The following RNH1 variants were observed in gnomAD, a reference collection of about 807,000 sequenced individuals.
RNH1 encodes ribonuclease/angiogenin inhibitor 1, also known as ribonuclease inhibitor.
A neutral mutation model predicts 46.1 loss-of-function variants in RNH1; 38 were observed. That is an observed-to-expected ratio of 0.82 (90% CI 0.64 to 1.08). The LOEUF is 1.08. Among genes scored for constraint, RNH1 ranks in the 50% least tolerant of loss-of-function variants. RNH1 has a pLI of 0.00. For missense variants in RNH1, 577 were observed against 590.7 expected, an observed-to-expected ratio of 0.98 and a Z score of 0.24; for synonymous variants, 319 against 279.1, an observed-to-expected ratio of 1.14 and a Z score of -1.43.
intron 8 of RNH1, 39 bp from the exon 9 acceptor site, chr11:498,180 A>G (rs1849354599): frequency 6.3e-7 from 1 of 1,580,744 alleles, no homozygotes; most frequent in Non-Finnish European, 8.6e-7. Context: ...GCAGGGGCCC[A>G]GGCTGGCCCA....
At chr11:495,169 C>T in intron 9 of RNH1, 116 bp from the exon 10 acceptor site, 2 of 1,077,410 alleles carry the variant, frequency 1.9e-6, no homozygotes, top group Non-Finnish European at 2.7e-6. Flanking sequence ...AACTCAGGAC[C>T]CTCAGGTGGG....
intron 9 of RNH1, among the ~76,000 whole-genome samples, chr11:496,332 A>G (rs1181599713): frequency 1.3e-5 from 2 of 152,166 alleles, no homozygotes; most frequent in Non-Finnish European, 2.9e-5. Context: ...TCAATAGTTC[A>G]AGACCAGCCT....
At chr11:495,146 A>G in intron 9 of RNH1, 93 bp from the exon 10 acceptor site, 1 of 1,328,586 alleles carries the variant, frequency 7.5e-7, no homozygotes, top group Admixed American at 2.2e-5. Context: ...CGCGACGGAC[A>G]CCTGTGCTCG....
chr11:498,933 C>T lies in RNH1; in HGVS notation c.615G>A (p.Lys205=). The T allele has an allele frequency of 1.9e-6, 3 of 1,612,326 alleles. No individual in the cohort carries two copies. The highest frequency in any genetic ancestry group is 2.5e-6 in the Non-Finnish European group (3 of 1,179,634). ...KDSPCQLEAL[K]LESCGVTSDN... is the part of the protein sequence containing the mutation. ...CTGATGTCACACCGCAGCTCTCCAG[C>T]CTGGGGACACGGGTCACACGTGAGG... Residue 205 remains lysine (K), a splice_region_variant and synonymous_variant, in exon 7 of 11, where the codon AAG becomes AAA. Coordinates refer to ENST00000354420, the MANE Select transcript of RNH1 (RefSeq NM_203387.3).
At chr11:499,318 GGACCCCCACAGACT>G (rs1849501416) in intron 5 of RNH1, 133 bp from the exon 6 acceptor site, 1 of 983,694 alleles carries the variant, frequency 1.0e-6, no homozygotes, top group African/African-American at 1.6e-5. Flanking sequence ...CAGTGCTGAG[GGACCCCCACAGACT>G]CATCCAGAGG....
At chr11:499,267 T>C (rs538805226) in intron 5 of RNH1, 82 bp from the exon 6 acceptor site, 1 of 1,470,622 alleles carries the variant, frequency 6.8e-7, no homozygotes, top group Non-Finnish European at 9.3e-7. Context: ...GGTGTGCTGG[T>C]GTCTCATCTC....
chr11:499,566 C>T (rs781658154), intron 5 of RNH1: 40 of 703,932 alleles, frequency 5.7e-5, no homozygotes, highest in Non-Finnish European at 9.3e-5. Context: ...TTCCCACCGT[C>T]GGGTCCTGGG....
In RNH1 at chr11:499,800, A is replaced by G. The variant is rs758330131; in HGVS notation, c.443+29T>C. ...GGCTGGGGGACAGGCAGCGGCCAGCATGGGCCCTGGGGCAGGACACAAACT... is the reference window on the plus strand; with the variant it reads ...GGCTGGGGGACAGGCAGCGGCCAGCGTGGGCCCTGGGGCAGGACACAAACT... On this transcript the variant is annotated intron_variant, in intron 5 of 10. Coordinates refer to ENST00000354420, the MANE Select transcript of RNH1 (RefSeq NM_203387.3). The G allele has an allele frequency of 7.5e-6, 12 of 1,590,854 alleles. No homozygotes were observed. The African/African-American group carries it at 1.2e-4, about 16-fold the overall frequency.
At chr11:500,200 C>G (rs1328766370) in intron 4 of RNH1, 4 of 685,828 alleles carry the variant, frequency 5.8e-6, no homozygotes, top group Non-Finnish European at 9.6e-6. Context: ...GAAACCTTGT[C>G]TGCAGACACA....
Position 494,642 on chromosome 11 carries a change from G to A in RNH1, c.*49C>T, listed in dbSNP as rs36001698. Reference sequence around the variant, plus strand: ...GCATGGCAGGGGCTGGTGGGCCCCAGGGTTGCCTCGAGGCCGGTCGTCCAG... The same window carrying A: ...GCATGGCAGGGGCTGGTGGGCCCCAAGGTTGCCTCGAGGCCGGTCGTCCAG... On this transcript the variant is annotated 3_prime_UTR_variant, in exon 11 of 11. Transcript: ENST00000354420. 1.9e-6 allele frequency: 3 copies of A among 1,559,084 alleles called. No individual in the cohort carries two copies. The highest frequency in any genetic ancestry group is 2.2e-5 in the South Asian group (2 of 90,078).
Position 498,451 on chromosome 11 carries a change from A to G in RNH1, c.956+6T>C, listed in dbSNP as rs999326770. ...GACAGGGCCCTGCCCCGACAGCCACACTCACCACAGCGACTCCAGCTGGCA... is the reference window on the plus strand; with the variant it reads ...GACAGGGCCCTGCCCCGACAGCCACGCTCACCACAGCGACTCCAGCTGGCA... On this transcript the variant is annotated splice_donor_region_variant and intron_variant, in intron 8 of 10. Transcript: ENST00000354420. 1 of 1,611,764 alleles carries G rather than the reference A, an allele frequency of 6.2e-7. No homozygotes were observed. The highest frequency in any genetic ancestry group is 1.1e-5 in the South Asian group (1 of 91,050).
chr11:503,009 G>A (rs1324260067), intron 2 of RNH1: 1 of 152,356 alleles, frequency 6.6e-6, no homozygotes, highest in Non-Finnish European at 1.5e-5. Context: ...AAAGTGGTCA[G>A]GCAGAGACAG....
In RNH1 at chr11:501,397, G is replaced by A. The variant is rs970426813; in HGVS notation, c.101+665C>T. ...GACGAGGGGACAGTCACAGACGGGA[G>A]AGGGCTAAGGAGACAGAGGGCTGAG... On this transcript the variant is annotated intron_variant, in intron 3 of 10. Coordinates refer to ENST00000354420, the MANE Select transcript of RNH1 (RefSeq NM_203387.3). This position sits in a 1 kb window ranked among gnomAD's most constrained non-coding sequence, Gnocchi z 4.1. 3 of 161,508 alleles carry A rather than the reference G, an allele frequency of 1.9e-5. No homozygotes were observed. Among genetic ancestry groups the A allele is most frequent in the African/African-American group, 7.2e-5 (3 of 41,436 alleles). 10.0% of individuals were successfully genotyped at this position (161,508 alleles called of 1,614,324 possible). A position where few individuals can be genotyped will look rare whatever the true frequency, so the allele number is the denominator to read the frequency against.
In RNH1 at chr11:494,911, G is replaced by A. The variant is rs1475383568; in HGVS notation, c.1270C>T (p.Gln424Ter). ...GILQLVESVR[Q>*]PGCLLEQLVL... ...AGCTGCTCCAGGAGGCAGCCCGGCT[G>A]CCGGACGCTCTCCACCAGCTGCAGG... is the stretch of plus-strand genomic sequence containing the variant. Residue 424 changes from glutamine to a stop codon, truncating the protein, a stop_gained, in exon 10 of 11, where the codon CAG becomes TAG. Transcript: ENST00000354420. LOFTEE classifies it low-confidence loss of function (END_TRUNC). The A allele has an allele frequency of 6.2e-7, 1 of 1,611,326 alleles. No homozygotes were observed. Among genetic ancestry groups the A allele is most frequent in the South Asian group, 1.1e-5 (1 of 90,850 alleles).
intron 8 of RNH1, 79 bp from the exon 9 acceptor site, chr11:498,220 C>T: frequency 6.8e-7 from 1 of 1,469,882 alleles, no homozygotes. Flanking sequence ...CCCTGAAGGC[C>T]CCACGTGGAC....
At chr11:499,581 C>G in intron 5 of RNH1, 1 of 709,960 alleles carries the variant, frequency 1.4e-6, no homozygotes, top group Non-Finnish European at 2.5e-6. Flanking sequence ...CCTGGGGCAG[C>G]TGTGCCTTGC....
In RNH1 at chr11:500,589, G is replaced by C. The variant is rs866512881; in HGVS notation, c.167C>G (p.Pro56Arg). 2.5e-6 allele frequency: 4 copies of C among 1,610,514 alleles called. No individual in the cohort carries two copies. Among genetic ancestry groups the C allele is most frequent in the Middle Eastern group, 1.6e-4 (1 of 6,062 alleles). Reference protein sequence around the residue: ...KDISSALRVNPALAELNLRSN... With the variant: ...KDISSALRVNRALAELNLRSN... ...GCGCAGGTTGAGCTCTGCCAGTGCA[G>C]GGTTGACTCGAAGTGCAGAGCTGAT... Residue 56 changes from proline to arginine, a missense_variant, in exon 4 of 11, where the codon CCT (proline) becomes CGT (arginine). Physicochemically the swap from Pro to Arg is moderately radical, Grantham distance 103. Coordinates refer to ENST00000354420, the MANE Select transcript of RNH1 (RefSeq NM_203387.3).
At chr11:496,416 TC>T (rs1849059896) in intron 9 of RNH1, among the ~76,000 whole-genome samples, 2 of 152,178 alleles carry the variant, frequency 1.3e-5, no homozygotes, top group South Asian at 4.1e-4. Flanking sequence ...ACGCCTGTAA[TC>T]CCAGCAATTT....
chr11:497,181 G>A (rs894597026), intron 9 of RNH1, among the ~76,000 whole-genome samples: 10 of 139,248 alleles, frequency 7.2e-5, no homozygotes, highest in African/African-American at 2.0e-4. Flanking sequence ...GCTCACACAC[G>A]GACACTCGTG....
Sources: allele counts gnomAD v4.1 joint callset (sites outside exome capture counted in the v4.1 genomes callset), GRCh38; gene constraint gnomAD v4.1.1; non-coding constraint Gnocchi (gnomAD v3.1); transcripts MANE v1.5; gene names NCBI Gene and HGNC (gene_info 2026-07-23, HGNC 2026-07-21).